The following DMRT1 variants were observed in gnomAD, a reference collection of about 807,000 sequenced individuals.
The protein encoded by DMRT1 is doublesex and mab-3 related transcription factor 1, also known as doublesex- and mab-3-related transcription factor 1.
A neutral mutation model predicts 32.3 loss-of-function variants in DMRT1; 7 were observed. That is an observed-to-expected ratio of 0.22 (90% CI 0.12 to 0.41). DMRT1 has a LOEUF of 0.41. DMRT1 is among the 10% of genes least tolerant of loss of function. DMRT1 has a pLI of 1.00. For missense variants in DMRT1, 625 were observed against 500.5 expected, an observed-to-expected ratio of 1.25 and a Z score of -2.37; for synonymous variants, 278 against 206.1, an observed-to-expected ratio of 1.35 and a Z score of -2.99.
chr9:900,377 CT>C (rs1014079960), intron 3 of DMRT1, among the ~76,000 whole-genome samples: 196 of 128,578 alleles, frequency 1.5e-3, no homozygotes, highest in East Asian at 5.4e-3. Flanking sequence ...ACTGCCCCCC[CT>C]TTTTTTGTTG....
At chr9:937,520 T>G (rs1339779811) in intron 4 of DMRT1, among the ~76,000 whole-genome samples, 2 of 152,204 alleles carry the variant, frequency 1.3e-5, no homozygotes, top group Admixed American at 6.5e-5. Context: ...TGTTTTCCGT[T>G]TTTTTGATAA....
intron 2 of DMRT1, among the ~76,000 whole-genome samples, chr9:851,604 T>C (rs1287644478): frequency 1.3e-5 from 2 of 152,130 alleles, no homozygotes; most frequent in Non-Finnish European, 2.9e-5. Flanking sequence ...GGGCCAAAAG[T>C]GAAGAAGAGA....
chr9:967,987 T>A lies in DMRT1; in HGVS notation c.970T>A (p.Phe324Ile). ...TTCTCTCTCACCTCACTTCGCAGTA[T>A]TCTCGCCGCCCAGCAGTCAAGATTC... The part of the protein sequence containing the change: ...PSYPEARASV[F>I]SPPSSQDSGL... Residue 324 changes from phenylalanine to isoleucine, a missense_variant and splice_region_variant, in exon 5 of 5, where the codon TTC becomes ATC. Phe to Ile is a conservative substitution (Grantham distance 21). This residue lies in a region of DMRT1 where 416 missense variants were observed against 321.6 expected (regional missense o/e 1.29). Coordinates refer to ENST00000382276, the MANE Select transcript of DMRT1 (RefSeq NM_021951.3). 6.2e-7 allele frequency: 1 copy of A among 1,613,910 alleles called. No individual in the cohort carries two copies. The highest frequency in any genetic ancestry group is 8.5e-7 in the Non-Finnish European group (1 of 1,180,012).
At chr9:894,791 G>GTTTTTTTTTTTTTT (rs1231759673) in intron 3 of DMRT1, 1 of 148,002 alleles carries the variant, frequency 6.8e-6, no homozygotes, top group African/African-American at 2.6e-5. Context: ...CTCCAAGTTT[G>GTTTTTTTTTTTTTT]TTTTTTTTTT....
At chr9:857,692 T>C (rs1318268241) in intron 2 of DMRT1, among the ~76,000 whole-genome samples, 2 of 151,678 alleles carry the variant, frequency 1.3e-5, no homozygotes, top group South Asian at 2.1e-4. Context: ...TAGTTACATA[T>C]GTATACATGT....
At chr9:863,493 G>A (rs62529794) in intron 2 of DMRT1, among the ~76,000 whole-genome samples, 37 of 152,102 alleles carry the variant, frequency 2.4e-4, no homozygotes, top group Non-Finnish European at 3.4e-4. Flanking sequence ...AATATGGGAG[G>A]CCTCTACAGG....
intron 3 of DMRT1, among the ~76,000 whole-genome samples, chr9:914,142 A>G (rs998065248): frequency 6.6e-6 from 1 of 152,178 alleles, no homozygotes; most frequent in Non-Finnish European, 1.5e-5. Flanking sequence ...AACAGCTACC[A>G]TGATTGTCCC....
intron 3 of DMRT1, among the ~76,000 whole-genome samples, chr9:905,971 T>A (rs1414248277): frequency 6.6e-6 from 1 of 151,968 alleles, no homozygotes; most frequent in African/African-American, 2.4e-5. Flanking sequence ...TTTAAAGCCG[T>A]GAAATTCTGG....
chr9:858,685 C>T (rs1055881245), intron 2 of DMRT1, among the ~76,000 whole-genome samples: 4 of 151,834 alleles, frequency 2.6e-5, no homozygotes, highest in Admixed American at 1.3e-4. Context: ...ACCAGCCTGA[C>T]CAACATGGCG....
intron 2 of DMRT1, among the ~76,000 whole-genome samples, chr9:877,740 C>G (rs10491588): frequency 0.32 from 49,370 of 152,052 alleles, 8,748 homozygotes; most frequent in Non-Finnish European, 0.4. Context: ...AGAATCAAAG[C>G]AAAGGGAGTA....
intron 2 of DMRT1, among the ~76,000 whole-genome samples, chr9:868,877 G>A (rs927858349): frequency 6.6e-6 from 1 of 152,112 alleles, no homozygotes; most frequent in Admixed American, 6.5e-5. Flanking sequence ...GGGTATGGTG[G>A]CACACACCTG....
intron 1 of DMRT1, among the ~76,000 whole-genome samples, chr9:845,037 T>C (rs1838848088): frequency 1.3e-5 from 2 of 152,170 alleles, no homozygotes; most frequent in African/African-American, 4.8e-5. Flanking sequence ...TTGTGTTTTT[T>C]AATTGAACGT....
At chr9:848,603 GA>G (rs1839007237) in intron 2 of DMRT1, among the ~76,000 whole-genome samples, 1 of 145,182 alleles carries the variant, frequency 6.9e-6, no homozygotes, top group South Asian at 2.2e-4. Flanking sequence ...GCCCAGGCTG[GA>G]GTGCAGTGGT....
chr9:954,431 G>A lies in DMRT1; in HGVS notation c.968-13554G>A, dbSNP rs139928782. 6.1e-3 allele frequency among the ~76,000 whole-genome samples: 931 copies of A among 152,166 alleles called. 12 individuals are homozygous for A. The highest frequency in any genetic ancestry group is 0.021 in the African/African-American group (882 of 41,524). ...AGGAAGGATATGTGTAAGGAGGGAT[G>A]TGGCAGAGTTCAAGAGAGCAGGATG... On this transcript the variant is annotated intron_variant, in intron 4 of 4. Coordinates refer to ENST00000382276, the MANE Select transcript of DMRT1 (RefSeq NM_021951.3).
At chr9:954,684 C>G (rs1819539115) in intron 4 of DMRT1, among the ~76,000 whole-genome samples, 2 of 152,038 alleles carry the variant, frequency 1.3e-5, no homozygotes, top group Admixed American at 1.3e-4. Context: ...GCTCTGTCGC[C>G]AAGCTGGAGT....
Position 898,689 on chromosome 9 carries a change from A to G in DMRT1, c.822+4494A>G, listed in dbSNP as rs374265735. ...CCTGACTGATTTTCTTGGTGTGAAA[A>G]TGGCTCAACCTTGAGGCCAGAATGT... On this transcript the variant is annotated intron_variant, in intron 3 of 4. Coordinates refer to ENST00000382276, the MANE Select transcript of DMRT1 (RefSeq NM_021951.3). 7.2e-5 allele frequency among the ~76,000 whole-genome samples: 11 copies of G among 152,240 alleles called. No individual in the cohort carries two copies. In the East Asian group the frequency reaches 1.5e-3, roughly 21 times the overall value.
At chr9:858,751 G>A (rs1404859445) in intron 2 of DMRT1, among the ~76,000 whole-genome samples, 1 of 151,520 alleles carries the variant, frequency 6.6e-6, no homozygotes, top group African/African-American at 2.4e-5. Context: ...GTGGGTGCCA[G>A]TAATCCCAAC....
chr9:933,161 C>T (rs942340253), intron 4 of DMRT1, among the ~76,000 whole-genome samples: 7 of 152,164 alleles, frequency 4.6e-5, no homozygotes, highest in Admixed American at 3.9e-4. Context: ...GATCAATCCA[C>T]CCTCCTGGGC....
intron 2 of DMRT1, among the ~76,000 whole-genome samples, chr9:854,544 T>C (rs1468788621): frequency 6.6e-6 from 1 of 152,162 alleles, no homozygotes; most frequent in Non-Finnish European, 1.5e-5. Context: ...GGAAATACTT[T>C]ATTCAAATAA....
Sources: allele counts gnomAD v4.1 joint callset (sites outside exome capture counted in the v4.1 genomes callset), GRCh38; gene constraint gnomAD v4.1.1; regional missense constraint gnomAD v4.1.1; transcripts MANE v1.5; gene names NCBI Gene and HGNC (gene_info 2026-07-23, HGNC 2026-07-21).